VPS45: variants seen among roughly 807,000 people sequenced by gnomAD.
VPS45 encodes the protein vacuolar protein sorting 45 homolog.
A neutral mutation model predicts 75.9 loss-of-function variants in VPS45; 35 were observed. That is an observed-to-expected ratio of 0.46 (90% CI 0.35 to 0.61). The LOEUF (loss-of-function observed/expected upper bound fraction) is 0.61. Ranked by LOEUF, VPS45 falls within the 20% of genes least tolerant of loss-of-function variation. The pLI is 0.00. For synonymous variants in VPS45, 220 were observed against 238.2 expected (o/e 0.92, Z 0.70); for missense variants, 559 against 685.9 (o/e 0.81, Z 2.07).
intron 14 of VPS45, among the ~76,000 whole-genome samples, chr1:150,143,157 T>C (rs1659486615): frequency 6.6e-6 from 1 of 152,146 alleles, no homozygotes; most frequent in Non-Finnish European, 1.5e-5. Flanking sequence ...GATAAAGTAA[T>C]AACAGTAATT....
At chr1:150,114,810 C>CTGAGT (rs1335744124) in intron 14 of VPS45, among the ~76,000 whole-genome samples, 2 of 150,590 alleles carry the variant, frequency 1.3e-5, no homozygotes, top group African/African-American at 2.4e-5. Flanking sequence ...ACTTGGGAGG[C>CTGAGT]TGAGGTGGGA....
chr1:150,142,832 T>G (rs1273872576), intron 14 of VPS45: 30 of 450,268 alleles, frequency 6.7e-5, no homozygotes, highest in African/African-American at 5.8e-4. Context: ...TTTGTATTTT[T>G]TATAGAGATG....
At chr1:150,081,654 T>A (rs1360247404) in intron 8 of VPS45, among the ~76,000 whole-genome samples, 178 bp downstream of exon 8, 2 of 152,084 alleles carry the variant, frequency 1.3e-5, no homozygotes, top group African/African-American at 4.8e-5. Context: ...CCTTTAGCAA[T>A]TTTTTTTCAT....
intron 10 of VPS45, among the ~76,000 whole-genome samples, chr1:150,090,148 G>A (rs1286897947): frequency 1.3e-5 from 2 of 152,226 alleles, no homozygotes; most frequent in Admixed American, 6.5e-5. Flanking sequence ...TCAGAATTCA[G>A]TGCCCTTCAA....
intron 13 of VPS45, among the ~76,000 whole-genome samples, chr1:150,096,954 T>C (rs1010991222): frequency 5.3e-5 from 8 of 150,198 alleles, no homozygotes; most frequent in Admixed American, 3.3e-4. Flanking sequence ...TATCTATTAA[T>C]AGAGGGCTGG....
intron 14 of VPS45, among the ~76,000 whole-genome samples, chr1:150,133,025 CCTTA>C (rs1658905900): frequency 6.6e-6 from 1 of 152,210 alleles, no homozygotes; most frequent in East Asian, 1.9e-4. Flanking sequence ...CTGTCATCAC[CCTTA>C]CTTCCAAATA....
intron 14 of VPS45, among the ~76,000 whole-genome samples, chr1:150,120,183 T>C (rs1553809306): frequency 1.3e-5 from 2 of 152,172 alleles, no homozygotes; most frequent in African/African-American, 4.8e-5. Context: ...ACTTACTAGT[T>C]TTTTTATTAC....
chr1:150,092,288 C>G lies in VPS45; in HGVS notation c.1264-14C>G, dbSNP rs587647418. Reference sequence around the variant, plus strand: ...ATGCCTAAGCAATCAAAATTTGCTTCTCTTTCTTAATAGCTCGTGTCTGCA... The same window carrying G: ...ATGCCTAAGCAATCAAAATTTGCTTGTCTTTCTTAATAGCTCGTGTCTGCA... On this transcript the variant is annotated splice_polypyrimidine_tract_variant and intron_variant, in intron 11 of 14. Coordinates refer to ENST00000644510, the MANE Select transcript of VPS45 (RefSeq NM_007259.5). 163 of 1,611,064 alleles carry G rather than the reference C, an allele frequency of 1.0e-4. No individual in the cohort carries two copies. The highest frequency in any genetic ancestry group is 1.3e-4 in the Non-Finnish European group (156 of 1,178,346).
intron 14 of VPS45, among the ~76,000 whole-genome samples, chr1:150,128,256 C>T (rs1306149861): frequency 2.0e-5 from 3 of 150,570 alleles, no homozygotes; most frequent in South Asian, 2.1e-4. Context: ...GAGTCAAGTT[C>T]GCGCCACTGC....
chr1:150,114,129 C>T (rs1303045886), intron 14 of VPS45, among the ~76,000 whole-genome samples: 1 of 152,006 alleles, frequency 6.6e-6, no homozygotes, highest in African/African-American at 2.4e-5. Flanking sequence ...CCCTTTTCCC[C>T]CTCCACTTTG....
chr1:150,090,374 T>G (rs1461216368), intron 10 of VPS45, among the ~76,000 whole-genome samples: 2 of 152,212 alleles, frequency 1.3e-5, no homozygotes, highest in African/African-American at 4.8e-5. Context: ...TTTGCACTGA[T>G]TTTCAGCTTT....
At chr1:150,121,293 A>G (rs1206130806) in intron 14 of VPS45, among the ~76,000 whole-genome samples, 9 of 152,224 alleles carry the variant, frequency 5.9e-5, no homozygotes, top group African/African-American at 1.9e-4. Flanking sequence ...AATGAAATAC[A>G]CAGAAATAAA....
chr1:150,098,987 GT>G, intron 13 of VPS45: 1 of 1,124,970 alleles, frequency 8.9e-7, no homozygotes, highest in Middle Eastern at 4.1e-4. Flanking sequence ...GTAGAATCTT[GT>G]TGCTACAGCT....
chr1:150,098,815 C>G, intron 13 of VPS45: 2 of 1,225,628 alleles, frequency 1.6e-6, no homozygotes, highest in Non-Finnish European at 2.1e-6. Context: ...CTTGCATACC[C>G]TATTTTTCAA....
At chr1:150,141,192 C>A (rs1417916076) in intron 14 of VPS45, among the ~76,000 whole-genome samples, 1 of 152,182 alleles carries the variant, frequency 6.6e-6, no homozygotes. Flanking sequence ...TCCATTAAGA[C>A]AAATATCTTG....
intron 2 of VPS45, among the ~76,000 whole-genome samples, chr1:150,070,521 G>A (rs1654995766): frequency 6.6e-6 from 1 of 151,902 alleles, no homozygotes. Flanking sequence ...GGCCGGGCGC[G>A]GTGGCTCACG....
chr1:150,079,112 C>CAA (rs11301300), intron 7 of VPS45, among the ~76,000 whole-genome samples: 130,218 of 135,386 alleles, frequency 0.96, 62,809 homozygotes, highest in South Asian at 0.99. Flanking sequence ...ACTCTTGTCT[C>CAA]AAAAAAAAAA....
At chr1:150,105,732 T>A (rs1184193721) in intron 13 of VPS45, among the ~76,000 whole-genome samples, 9 of 152,178 alleles carry the variant, frequency 5.9e-5, no homozygotes, top group Non-Finnish European at 8.8e-5. Flanking sequence ...TTTACCAACA[T>A]CATTCTTCAC....
chr1:150,097,257 T>C (rs1553803199), intron 13 of VPS45, among the ~76,000 whole-genome samples: 1 of 151,490 alleles, frequency 6.6e-6, no homozygotes, highest in Non-Finnish European at 1.5e-5. Flanking sequence ...GGCTAATTTT[T>C]GTATTTTTAG....
Sources: gnomAD v4.1 joint callset for allele counts (sites outside exome capture counted in the v4.1 genomes callset) on GRCh38, gnomAD v4.1.1 for gene constraint, MANE v1.5 for transcripts, NCBI Gene and HGNC (gene_info 2026-07-23, HGNC 2026-07-21) for gene names.